SMIM31: variants seen among roughly 807,000 people sequenced by gnomAD.
SMIM31 encodes small integral membrane protein 31, also known as human epithelial cell program regulator.
intron 1 of SMIM31, among the ~76,000 whole-genome samples, chr4:164,764,544 C>T (rs28452058): frequency 0.13 from 19,299 of 143,548 alleles, 1,503 homozygotes; most frequent in African/African-American, 0.22. Context: ...TACAGCCTGG[C>T]GACAGAGCGA....
At chr4:164,771,310 T>C (rs1732798848) in intron 2 of SMIM31, among the ~76,000 whole-genome samples, 1 of 152,236 alleles carries the variant, frequency 6.6e-6, no homozygotes, top group Admixed American at 6.5e-5. Context: ...TTGTTTCCAC[T>C]GTGTTAGTTT....
intron 2 of SMIM31, among the ~76,000 whole-genome samples, chr4:164,796,446 C>T (rs1258542953): frequency 6.6e-6 from 1 of 152,194 alleles, no homozygotes; most frequent in East Asian, 1.9e-4. Flanking sequence ...CACCTCCTCT[C>T]TATCGGTACA....
chr4:164,761,933 A>G (rs1204319822), intron 1 of SMIM31, among the ~76,000 whole-genome samples: 1 of 142,776 alleles, frequency 7.0e-6, no homozygotes, highest in Non-Finnish European at 1.5e-5. Flanking sequence ...AAATAAATAA[A>G]TAAATAAATA....
At chr4:164,784,898 G>GGTTTT (rs1733007043) in intron 2 of SMIM31, among the ~76,000 whole-genome samples, 1 of 81,534 alleles carries the variant, frequency 1.2e-5, no homozygotes, top group African/African-American at 7.4e-5. Flanking sequence ...TATTTGTTTG[G>GGTTTT]GTTTTTTTTT....
At chr4:164,773,613 T>A (rs1455573849) in intron 2 of SMIM31, among the ~76,000 whole-genome samples, 4 of 152,138 alleles carry the variant, frequency 2.6e-5, no homozygotes, top group African/African-American at 7.2e-5. Context: ...ATGATTCTAT[T>A]ACCTCCACCT....
chr4:164,781,146 A>T (rs1397663735), intron 2 of SMIM31, among the ~76,000 whole-genome samples: 1 of 151,804 alleles, frequency 6.6e-6, no homozygotes, highest in Non-Finnish European at 1.5e-5. Context: ...ACACACACAC[A>T]CACACACACA....
chr4:164,788,133 T>C lies in SMIM31; in HGVS notation c.113-12958T>C, dbSNP rs114916962. Among the ~76,000 whole-genome samples, 690 of 152,292 alleles carry C rather than the reference T, an allele frequency of 4.5e-3. 5 individuals are homozygous for C. The highest frequency in any genetic ancestry group is 0.015 in the African/African-American group (644 of 41,556). On this transcript the variant is annotated intron_variant, in intron 2 of 2. Coordinates refer to ENST00000507311, the MANE Select transcript of SMIM31 (RefSeq NM_001352885.1). Reference sequence around the variant, plus strand: ...ATTGGAAAATAAATATCGTCAGCAATCCATTGAACCCACTGGTCCCTGTTT... The same window carrying C: ...ATTGGAAAATAAATATCGTCAGCAACCCATTGAACCCACTGGTCCCTGTTT...
At chr4:164,773,029 TAAAAAA>T (rs56863708) in intron 2 of SMIM31, among the ~76,000 whole-genome samples, 42 of 76,656 alleles carry the variant, frequency 5.5e-4, no homozygotes, top group African/African-American at 1.5e-3. Context: ...CACTTGGCTT[TAAAAAA>T]AAAAAAAAAA....
chr4:164,756,999 G>T (rs1444319300), intron 1 of SMIM31, among the ~76,000 whole-genome samples: 1 of 152,156 alleles, frequency 6.6e-6, no homozygotes, highest in Non-Finnish European at 1.5e-5. Flanking sequence ...GACTTCCAGA[G>T]ATTTTTTTCA....
At chr4:164,773,752 T>C (rs546535271) in intron 2 of SMIM31, among the ~76,000 whole-genome samples, 4 of 152,270 alleles carry the variant, frequency 2.6e-5, no homozygotes, top group Admixed American at 2.0e-4. Context: ...TAATAGTACC[T>C]TCCCTGCAGA....
intron 2 of SMIM31, among the ~76,000 whole-genome samples, chr4:164,773,937 C>T (rs902016461): frequency 3.9e-5 from 6 of 152,100 alleles, no homozygotes; most frequent in Middle Eastern, 3.4e-3. Flanking sequence ...GAGGCCGAGG[C>T]GGGCGGATCA....
At position 164,754,192 on chromosome 4, in the gene SMIM31, G is replaced by T. The variant is rs1407784686; in HGVS notation, c.-245G>T. 4 of 152,272 alleles carry T rather than the reference G, an allele frequency of 2.6e-5. No homozygotes were observed. Among genetic ancestry groups the T allele is most frequent in the African/African-American group, 9.6e-5 (4 of 41,544 alleles). The allele number at this position is 152,272 out of a possible 1,614,324, so 9.4% of individuals were successfully genotyped here. On this transcript the variant is annotated 5_prime_UTR_variant, in exon 1 of 3. Transcript: ENST00000507311. ...TTTTTAGAGGTACAGATTCCTCTTA[G>T]TCAAGTCCTGATTAAAACTCCAGCT...
intron 2 of SMIM31, among the ~76,000 whole-genome samples, chr4:164,789,351 C>T (rs7668032): frequency 0.73 from 110,700 of 152,134 alleles, 40,781 homozygotes; most frequent in Non-Finnish European, 0.8. Context: ...TTTATCTACA[C>T]TCCATAGGTA....
chr4:164,796,960 T>G (rs1050339383), intron 2 of SMIM31, among the ~76,000 whole-genome samples: 12 of 152,236 alleles, frequency 7.9e-5, no homozygotes, highest in Non-Finnish European at 1.5e-5. Flanking sequence ...TTGATCTTCT[T>G]TTCCGTATCT....
At position 164,764,486 on chromosome 4, in the gene SMIM31, G is replaced by A. The variant is rs372182394; in HGVS notation, c.-25-5933G>A. On this transcript the variant is annotated intron_variant, in intron 1 of 2. Transcript: ENST00000507311. ...GGAGGCTGAGGCAGGAGAATTGCTC[G>A]AACCTGGGAGGCGGAGGTTGCAGTG... Among the ~76,000 whole-genome samples, 294 of 151,056 alleles carry A rather than the reference G, an allele frequency of 1.9e-3. 1 individual carries two copies. Among genetic ancestry groups the A allele is most frequent in the African/African-American group, 6.3e-3 (260 of 41,202 alleles).
intron 2 of SMIM31, among the ~76,000 whole-genome samples, chr4:164,775,610 A>G (rs76384438): frequency 0.018 from 2,787 of 152,298 alleles, 92 homozygotes; most frequent in African/African-American, 0.063. Flanking sequence ...AATAAAATCA[A>G]TCTGCTTACT....
chr4:164,799,966 G>T (rs13152512), intron 2 of SMIM31, among the ~76,000 whole-genome samples: 103,941 of 152,020 alleles, frequency 0.68, 36,570 homozygotes, highest in Non-Finnish European at 0.79. Context: ...AAGCCATAAG[G>T]TGCTTTAAGG....
chr4:164,758,809 T>C (rs796926883), intron 1 of SMIM31, among the ~76,000 whole-genome samples: 872 of 15,308 alleles, frequency 0.057, 8 homozygotes, highest in East Asian at 0.095. Flanking sequence ...AAATTTTTTT[T>C]TTTTTTTTTT....
intron 2 of SMIM31, among the ~76,000 whole-genome samples, chr4:164,793,758 C>T (rs925033171): frequency 1.3e-5 from 2 of 152,202 alleles, no homozygotes; most frequent in Non-Finnish European, 2.9e-5. Context: ...TCTCAAAACA[C>T]ACACACTAGG....
Sources: allele counts gnomAD v4.1 joint callset (sites outside exome capture counted in the v4.1 genomes callset), GRCh38; gene constraint gnomAD v4.1.1; transcripts MANE v1.5; gene names NCBI Gene and HGNC (gene_info 2026-07-23, HGNC 2026-07-21).